PABPC4L: variants seen among roughly 807,000 people sequenced by gnomAD.
PABPC4L encodes the protein poly(A) binding protein cytoplasmic 4 like.
For synonymous variants in PABPC4L, 169 were observed against 164.1 expected (o/e 1.03, Z -0.23); for missense variants, 452 against 451.4 (o/e 1.00, Z -0.01).
the PABPC4L span, among the ~76,000 whole-genome samples, chr4:134,150,982 G>T: frequency 1.3e-5 from 2 of 152,130 alleles, no homozygotes; most frequent in African/African-American, 4.8e-5. Context: ...AAAACTTCTT[G>T]CAAAAATAGA....
At chr4:134,147,528 G>A in the PABPC4L span, among the ~76,000 whole-genome samples, 1 of 152,052 alleles carries the variant, frequency 6.6e-6, no homozygotes, top group African/African-American at 2.4e-5. Flanking sequence ...TTATATAGGA[G>A]ATAACATTTG....
At chr4:133,998,244 C>G in the PABPC4L span, among the ~76,000 whole-genome samples, 3 of 151,620 alleles carry the variant, frequency 2.0e-5, no homozygotes, top group African/African-American at 7.3e-5. Context: ...ATATTTTCTT[C>G]AGAATATGAT....
At chr4:134,191,246 T>C in the PABPC4L span, among the ~76,000 whole-genome samples, 1 of 152,280 alleles carries the variant, frequency 6.6e-6, no homozygotes. Context: ...ACTCTATATC[T>C]TAACTGATAT....
chr4:133,995,978 T>C, the PABPC4L span, among the ~76,000 whole-genome samples: 1 of 152,186 alleles, frequency 6.6e-6, no homozygotes, highest in African/African-American at 2.4e-5. Context: ...TCAAAAGAAA[T>C]AGGTTCATAC....
chr4:134,045,015 T>C, the PABPC4L span, among the ~76,000 whole-genome samples: 2 of 152,170 alleles, frequency 1.3e-5, no homozygotes, highest in African/African-American at 4.8e-5. Flanking sequence ...TTAAGGTTGG[T>C]ATTTATAACT....
At chr4:134,128,224 T>G in the PABPC4L span, among the ~76,000 whole-genome samples, 1 of 152,128 alleles carries the variant, frequency 6.6e-6, no homozygotes, top group Admixed American at 6.6e-5. Flanking sequence ...TCTAAAAGTT[T>G]GGAAAACATA....
At chr4:134,132,431 A>G in the PABPC4L span, among the ~76,000 whole-genome samples, 1 of 152,096 alleles carries the variant, frequency 6.6e-6, no homozygotes, top group Admixed American at 6.6e-5. Flanking sequence ...TCAAAAGAAG[A>G]TGAACAAATG....
At chr4:134,117,783 C>T in the PABPC4L span, among the ~76,000 whole-genome samples, 1 of 151,702 alleles carries the variant, frequency 6.6e-6, no homozygotes, top group African/African-American at 2.4e-5. Flanking sequence ...ACAAAGTTAG[C>T]CCATCATGCT....
chr4:134,048,996 C>T, the PABPC4L span, among the ~76,000 whole-genome samples: 1 of 151,910 alleles, frequency 6.6e-6, no homozygotes, highest in Admixed American at 6.6e-5. Context: ...AAATTTGGGG[C>T]TTCTGGGTCA....
chr4:134,189,557 C>T, the PABPC4L span, among the ~76,000 whole-genome samples: 1 of 151,678 alleles, frequency 6.6e-6, no homozygotes, highest in African/African-American at 2.4e-5. Context: ...TATATACATT[C>T]ACATATATAA....
At chr4:134,050,644 G>A in the PABPC4L span, among the ~76,000 whole-genome samples, 1 of 142,834 alleles carries the variant, frequency 7.0e-6, no homozygotes, top group Non-Finnish European at 1.5e-5. Flanking sequence ...GGCAGGGGTT[G>A]CAGTGAGCCG....
At chr4:134,083,866 T>C in the PABPC4L span, among the ~76,000 whole-genome samples, 2,698 of 152,068 alleles carry the variant, frequency 0.018, 30 homozygotes, top group Middle Eastern at 0.041. Flanking sequence ...CAGGTATATG[T>C]GATACATTAT....
intron 1 of PABPC4L, 146 bp from the exon 2 acceptor site, chr4:134,201,391 G>T (rs898003749): frequency 2.8e-5 from 26 of 942,946 alleles, no homozygotes; most frequent in Middle Eastern, 4.4e-4. Context: ...AATAGGCCTC[G>T]CTCAGAGTGG....
At chr4:134,129,897 G>A in the PABPC4L span, among the ~76,000 whole-genome samples, 2 of 151,618 alleles carry the variant, frequency 1.3e-5, no homozygotes, top group Admixed American at 6.6e-5. Context: ...GTGAAACTTC[G>A]TCTCTACTAA....
the PABPC4L span, among the ~76,000 whole-genome samples, chr4:133,951,004 G>T: frequency 6.6e-6 from 1 of 152,184 alleles, no homozygotes; most frequent in South Asian, 2.1e-4. Flanking sequence ...GGAGCTTTAG[G>T]GACTGGTTAA....
the PABPC4L span, among the ~76,000 whole-genome samples, chr4:134,109,602 G>T: frequency 2.4e-4 from 37 of 151,374 alleles, no homozygotes; most frequent in Non-Finnish European, 4.9e-4. Context: ...AAGAAATAAA[G>T]GAAAATTCTA....
At chr4:134,015,671 C>T in the PABPC4L span, among the ~76,000 whole-genome samples, 1 of 152,096 alleles carries the variant, frequency 6.6e-6, no homozygotes, top group Non-Finnish European at 1.5e-5. Context: ...ACCTCAATCC[C>T]TTACAAAACA....
the PABPC4L span, among the ~76,000 whole-genome samples, chr4:134,126,239 G>A: frequency 6.6e-6 from 1 of 152,060 alleles, no homozygotes; most frequent in South Asian, 2.1e-4. Context: ...GGGGACATGT[G>A]AGAATTCAAC....
chr4:134,193,128 T>C (rs1002429686), downstream of PABPC4L, among the ~76,000 whole-genome samples: 1 of 152,106 alleles, frequency 6.6e-6, no homozygotes, highest in Non-Finnish European at 1.5e-5. Flanking sequence ...GCTGCCGTAG[T>C]GTATGCACTT....
Sources: allele counts gnomAD v4.1 joint callset (sites outside exome capture counted in the v4.1 genomes callset), GRCh38; gene constraint gnomAD v4.1.1; transcripts MANE v1.5; gene names NCBI Gene and HGNC (gene_info 2026-07-23, HGNC 2026-07-21).